The following SUMF1 variants were observed in gnomAD, a reference collection of about 807,000 sequenced individuals.
SUMF1 encodes formylglycine-generating enzyme.
A neutral mutation model predicts 47.6 loss-of-function variants in SUMF1; 48 were observed. The observed-to-expected ratio is 1.01, with a 90% CI of 0.80 to 1.28. The LOEUF (loss-of-function observed/expected upper bound fraction) is 1.28. Ranked by LOEUF, SUMF1 falls within the 50% of genes most tolerant of loss-of-function variation. The pLI, the probability that SUMF1 is intolerant of heterozygous loss-of-function variation, is 0.00. For missense variants in SUMF1, 571 were observed against 485.4 expected (o/e 1.18, Z -1.66); for synonymous variants, 230 against 192.1 (o/e 1.20, Z -1.63).
chr3:4,166,685 A>G (rs1245818481), intron 8 of SUMF1, among the ~76,000 whole-genome samples: 2 of 152,148 alleles, frequency 1.3e-5, no homozygotes, highest in African/African-American at 2.4e-5. Context: ...GTCAGAACAG[A>G]TAGGACAGAT....
At chr3:4,357,577 T>TTTTA (rs58387595), downstream of SUMF1, among the ~76,000 whole-genome samples, 59,854 of 138,426 alleles carry the variant, frequency 0.43, 13,501 homozygotes, top group East Asian at 0.55. Flanking sequence ...CCCAACCAAC[T>TTTTA]TTTATTTATT....
In SUMF1 at chr3:4,248,748, G is replaced by A. The variant is rs114946849; in HGVS notation, c.1014+127582C>T. Among the ~76,000 whole-genome samples, 528 of 152,272 alleles carry A rather than the reference G, an allele frequency of 3.5e-3. 3 individuals carry two copies. The highest frequency in any genetic ancestry group is 0.012 in the African/African-American group (505 of 41,552). On this transcript the variant is annotated intron_variant and NMD_transcript_variant, in intron 8 of 12. Coordinates refer to the SUMF1 transcript ENST00000448413. Reference sequence around the variant, plus strand: ...AGTGTATAATCTAGCAACATGGGGTGGCTATTGAAGAAAAAGAGAACTATA... The same window carrying A: ...AGTGTATAATCTAGCAACATGGGGTAGCTATTGAAGAAAAAGAGAACTATA...
chr3:4,312,255 T>C (rs1207967443), intron 8 of SUMF1, among the ~76,000 whole-genome samples: 1 of 152,134 alleles, frequency 6.6e-6, no homozygotes, highest in African/African-American at 2.4e-5. Flanking sequence ...ATGTATATTA[T>C]CAGGTAAAGG....
chr3:4,307,355 C>T (rs1241231445), intron 8 of SUMF1, among the ~76,000 whole-genome samples: 2 of 152,184 alleles, frequency 1.3e-5, no homozygotes, highest in East Asian at 3.9e-4. Context: ...CCCCCATCAC[C>T]ATGCCACACT....
intron 8 of SUMF1, among the ~76,000 whole-genome samples, chr3:4,229,595 G>A (rs1314575808): frequency 2.0e-5 from 3 of 152,056 alleles, no homozygotes; most frequent in Non-Finnish European, 4.4e-5. Context: ...CTGACACACA[G>A]TAAACATTTA....
intron 8 of SUMF1, among the ~76,000 whole-genome samples, chr3:4,126,469 T>G (rs894771976): frequency 5.9e-5 from 9 of 152,078 alleles, no homozygotes; most frequent in Non-Finnish European, 1.2e-4. Context: ...TTTTTGCAGA[T>G]TTTAGTACAT....
chr3:4,115,056 C>T (rs1408869613), intron 8 of SUMF1, among the ~76,000 whole-genome samples: 2 of 151,844 alleles, frequency 1.3e-5, no homozygotes, highest in Non-Finnish European at 2.9e-5. Context: ...CCCTGGCCCA[C>T]CACACCCGCC....
rs534471219 is a variant in SUMF1 at position 4,274,817 on chromosome 3, C to T, written c.1014+101513G>A. ...AAAAACTAGACCAGGTAATAGGAAG[C>T]TGGTCTGGAATCACAGGTTGAATTC... On this transcript the variant is annotated intron_variant and NMD_transcript_variant, in intron 8 of 12. Transcript: ENST00000448413. 5.9e-5 allele frequency among the ~76,000 whole-genome samples: 9 copies of T among 152,262 alleles called. No individual in the cohort carries two copies. The South Asian group carries it at 1.9e-3, about 32-fold the overall frequency.
intron 8 of SUMF1, among the ~76,000 whole-genome samples, chr3:4,249,519 C>T (rs1696745654): frequency 1.3e-5 from 2 of 152,060 alleles, no homozygotes; most frequent in Non-Finnish European, 2.9e-5. Context: ...TTTGGGGGCA[C>T]CACAAATCAC....
chr3:4,242,183 G>T (rs1053882921), intron 8 of SUMF1, among the ~76,000 whole-genome samples: 1 of 152,168 alleles, frequency 6.6e-6, no homozygotes, highest in Non-Finnish European at 1.5e-5. Flanking sequence ...GGGCCGAGAA[G>T]ATGGGGTTTT....
intron 8 of SUMF1, among the ~76,000 whole-genome samples, chr3:4,183,974 A>T (rs1286321848): frequency 1.3e-5 from 2 of 151,918 alleles, no homozygotes; most frequent in Non-Finnish European, 2.9e-5. Flanking sequence ...ACTTTAAAAA[A>T]ATATACAAAA....
intron 8 of SUMF1, among the ~76,000 whole-genome samples, chr3:4,250,778 T>A (rs1316579307): frequency 2.0e-5 from 3 of 152,168 alleles, no homozygotes. Flanking sequence ...ATCATGTCTG[T>A]TTACAGCATG....
intron 8 of SUMF1, among the ~76,000 whole-genome samples, chr3:4,171,201 G>T (rs1694825101): frequency 6.6e-6 from 1 of 152,124 alleles, no homozygotes; most frequent in Non-Finnish European, 1.5e-5. Flanking sequence ...AACTACTAAG[G>T]ATTTTGCCAC....
chr3:4,423,632 A>T (rs934290603), intron 3 of SUMF1, among the ~76,000 whole-genome samples: 4 of 152,210 alleles, frequency 2.6e-5, no homozygotes, highest in African/African-American at 9.6e-5. Context: ...AAATAGTTTT[A>T]AAAGTATTTA....
intron 8 of SUMF1, among the ~76,000 whole-genome samples, chr3:4,119,499 G>A (rs1693493059): frequency 6.6e-6 from 1 of 152,008 alleles, no homozygotes. Context: ...CACCCCACCT[G>A]GTCCAACTGC....
In SUMF1 at chr3:4,363,942, G is replaced by A. The variant is rs540216021; in HGVS notation, c.1015-1688C>T. Reference sequence around the variant, plus strand: ...AGAGTTTTTAGCATGAAGGGTTGTTGAATTGTGTCAAAGGCCTTTTCTGCA... The same window carrying A: ...AGAGTTTTTAGCATGAAGGGTTGTTAAATTGTGTCAAAGGCCTTTTCTGCA... On this transcript the variant is annotated intron_variant, in intron 8 of 8. Coordinates refer to ENST00000272902, the MANE Select transcript of SUMF1 (RefSeq NM_182760.4). Among the ~76,000 whole-genome samples the A allele has an allele frequency of 6.7e-4, 97 of 145,856 alleles. 2 individuals carry two copies. Among genetic ancestry groups the A allele is most frequent in the African/African-American group, 2.4e-3 (91 of 38,696 alleles).
chr3:4,447,195 T>TA (rs1702810273), intron 3 of SUMF1, among the ~76,000 whole-genome samples: 6 of 151,856 alleles, frequency 4.0e-5, no homozygotes, highest in Admixed American at 1.3e-4. Flanking sequence ...AAAGATTTTT[T>TA]TAAAAAAAAA....
At chr3:4,244,708 C>G (rs749252974) in intron 8 of SUMF1, among the ~76,000 whole-genome samples, 1 of 152,076 alleles carries the variant, frequency 6.6e-6, no homozygotes, top group African/African-American at 2.4e-5. Context: ...TCATTTCAAC[C>G]TTGGTGAATC....
chr3:4,243,882 T>G, intron 8 of SUMF1, among the ~76,000 whole-genome samples: 1 of 152,036 alleles, frequency 6.6e-6, no homozygotes, highest in South Asian at 2.1e-4. Flanking sequence ...CCGGTTATTA[T>G]GTAGGAATCT....
Sources: allele counts gnomAD v4.1 joint callset (sites outside exome capture counted in the v4.1 genomes callset), GRCh38; gene constraint gnomAD v4.1.1; transcripts MANE v1.5; gene names NCBI Gene and HGNC (gene_info 2026-07-23, HGNC 2026-07-21).